SDR42E1: variants seen among roughly 807,000 people sequenced by gnomAD.
SDR42E1 encodes the protein short chain dehydrogenase/reductase family 42E, member 1.
In SDR42E1, 5 loss-of-function variants were observed where a neutral mutation model predicts 2.6. The observed-to-expected ratio is 1.94, with a 90% CI of 1.01 to 4.08. The LOEUF is 4.08. Ranked by LOEUF, SDR42E1 falls within the 30% of genes most tolerant of loss-of-function variation. The pLI, the probability that SDR42E1 is intolerant of heterozygous loss-of-function variation, is 0.00. For missense variants in SDR42E1, 596 were observed against 478.6 expected (o/e 1.25, Z -2.29); for synonymous variants, 231 against 188.3 (o/e 1.23, Z -1.86).
At chr16:82,004,101 A>T (rs1173974220) in intron 1 of SDR42E1, among the ~76,000 whole-genome samples, 1 of 152,226 alleles carries the variant, frequency 6.6e-6, no homozygotes, top group African/African-American at 2.4e-5. Context: ...TACAAATAAG[A>T]AAGAGGCTTC....
intron 2 of SDR42E1, 78 bp downstream of exon 2, chr16:82,000,713 G>C: frequency 9.6e-7 from 1 of 1,046,286 alleles, no homozygotes. Flanking sequence ...GTAAAAGTCT[G>C]CTCTGCTGTC....
chr16:81,992,957 C>T lies in SDR42E1; in HGVS notation c.*6154G>A, dbSNP rs887192546. ...TGGTTTGATTTTCAATAGCAAAAGG[C>T]TGTTTTACACTAAAAGATCAGGTAA... is the stretch of plus-strand genomic sequence containing the variant. On this transcript the variant is annotated 3_prime_UTR_variant, in exon 3 of 3. Transcript: ENST00000328945. 1.3e-5 allele frequency: 2 copies of T among 152,096 alleles called. No homozygotes were observed. Among genetic ancestry groups the T allele is most frequent in the Non-Finnish European group, 2.9e-5 (2 of 68,010 alleles). The allele number at this position is 152,096 out of a possible 1,614,324, so 9.4% of individuals were successfully genotyped here. A position where few individuals can be genotyped will look rare whatever the true frequency, so the allele number is the denominator to read the frequency against.
chr16:82,001,983 C>CACAG (rs1912781972), intron 1 of SDR42E1, among the ~76,000 whole-genome samples: 1 of 150,932 alleles, frequency 6.6e-6, no homozygotes, highest in African/African-American at 2.5e-5. Context: ...CACACACACA[C>CACAG]ACACACACAT....
At chr16:82,007,560 T>A (rs1173258849) in intron 1 of SDR42E1, 1 of 152,214 alleles carries the variant, frequency 6.6e-6, no homozygotes, top group Non-Finnish European at 1.5e-5. Flanking sequence ...ATAACCCAGG[T>A]GCATCTGACT....
In SDR42E1 at chr16:81,997,639, C is replaced by A. The variant is rs1477246248; in HGVS notation, c.*1472G>T. 6.6e-6 allele frequency: 1 copy of A among 152,224 alleles called. No homozygotes were observed. The allele number at this position is 152,224 out of a possible 1,614,324, so 9.4% of individuals were successfully genotyped here. On this transcript the variant is annotated 3_prime_UTR_variant, in exon 3 of 3. Transcript: ENST00000328945. ...ACGTTTTCCTAAAAACAATCACTAC[C>A]ATCACCTCATACTGATGTTGCAATT...
At position 81,991,017 on chromosome 16, in the gene SDR42E1, G is replaced by A. The variant is rs551185852; in HGVS notation, c.*8094C>T. 2.6e-5 allele frequency: 4 copies of A among 152,350 alleles called. 1 individual carries two copies. Among genetic ancestry groups the A allele is most frequent in the African/African-American group, 9.6e-5 (4 of 41,584 alleles). 9.4% of individuals were successfully genotyped at this position (152,350 alleles called of 1,614,324 possible). A position where few individuals can be genotyped will look rare whatever the true frequency, so the allele number is the denominator to read the frequency against. On this transcript the variant is annotated 3_prime_UTR_variant, in exon 3 of 3. Transcript: ENST00000328945. ...CTGCAGGGGAGGCAAAGAGCCATCA[G>A]CAGCGAATAATACTTGGGCTCTGCT...
chr16:81,999,698 T>C lies in SDR42E1; in HGVS notation c.595A>G (p.Arg199Gly). 6.2e-7 allele frequency: 1 copy of C among 1,614,216 alleles called. No individual in the cohort carries two copies. The highest frequency in any genetic ancestry group is 1.3e-5 in the African/African-American group (1 of 75,052). ...CCCTTCTCGATGTAGCTGACTATCC[T>C]GGGAAGGTGTCTTTGTTCTCCAGGC... Reference protein sequence around the residue: ...YGPGEQRHLPRIVSYIEKGLF... With the variant: ...YGPGEQRHLPGIVSYIEKGLF... The change falls in exon 3 of 3, where the codon AGG (arginine) becomes GGG (glycine). Residue 199 changes from arginine (R) to glycine (G), a missense_variant. Arg to Gly is a moderately radical substitution (Grantham distance 125). Coordinates refer to ENST00000328945, the MANE Select transcript of SDR42E1 (RefSeq NM_145168.3).
rs1471558986 is a variant in SDR42E1, at chr16:81,997,701, C to G, written c.*1410G>C. The stretch of plus-strand genomic sequence containing the variant: ...TACTTTCACCACATCTTGCTTTATG[C>G]TCCCAGTGAACCCTATGGGGTGGGT... On this transcript the variant is annotated 3_prime_UTR_variant, in exon 3 of 3. Coordinates refer to ENST00000328945, the MANE Select transcript of SDR42E1 (RefSeq NM_145168.3). 6.6e-6 allele frequency: 1 copy of G among 152,230 alleles called. No individual in the cohort carries two copies. Among genetic ancestry groups the G allele is most frequent in the East Asian group, 1.9e-4 (1 of 5,200 alleles). The allele number at this position is 152,230 out of a possible 1,614,324, so 9.4% of individuals were successfully genotyped here. A position where few individuals can be genotyped will look rare whatever the true frequency, so the allele number is the denominator to read the frequency against.
rs143236362 is a variant in SDR42E1 at position 82,001,593 on chromosome 16, C to T, written c.-26-709G>A. Among the ~76,000 whole-genome samples, 1,060 of 152,024 alleles carry T rather than the reference C, an allele frequency of 7.0e-3. 21 individuals are homozygous for T. The highest frequency in any genetic ancestry group is 0.067 in the South Asian group (320 of 4,806). On this transcript the variant is annotated intron_variant, in intron 1 of 2. Transcript: ENST00000328945. ...ACTAAATAAGCAAAAATGAAGACACCCAACTCCTTCCATGTGGGAGGGAGA... is the reference window on the plus strand; with the variant it reads ...ACTAAATAAGCAAAAATGAAGACACTCAACTCCTTCCATGTGGGAGGGAGA...
chr16:82,010,776 A>C (rs1913100641), intron 1 of SDR42E1, among the ~76,000 whole-genome samples: 1 of 152,222 alleles, frequency 6.6e-6, no homozygotes, highest in Non-Finnish European at 1.5e-5. Flanking sequence ...TTAAGAATAC[A>C]TCGTCAGGAC....
chr16:82,000,974 C>T (rs181024735), intron 1 of SDR42E1, 90 bp from the exon 2 acceptor site: 13 of 783,672 alleles, frequency 1.7e-5, no homozygotes, highest in Admixed American at 4.9e-5. Context: ...AAAGTCAATA[C>T]GCTGTAGTAG....
chr16:82,006,302 G>A (rs1050228312), intron 1 of SDR42E1, among the ~76,000 whole-genome samples: 3 of 152,204 alleles, frequency 2.0e-5, no homozygotes, highest in African/African-American at 7.2e-5. Flanking sequence ...AAAGGTAACT[G>A]TATTCTTATT....
intron 1 of SDR42E1, among the ~76,000 whole-genome samples, chr16:82,011,122 G>A (rs1323823338): frequency 6.6e-6 from 1 of 152,234 alleles, no homozygotes; most frequent in Non-Finnish European, 1.5e-5. Context: ...AAAGTTCGGA[G>A]CTTGGGGCCC....
intron 1 of SDR42E1, among the ~76,000 whole-genome samples, chr16:82,006,876 C>A (rs1912956761): frequency 6.6e-6 from 1 of 152,112 alleles, no homozygotes; most frequent in Non-Finnish European, 1.5e-5. Context: ...AAGTGAAAAC[C>A]AGTATACTCG....
chr16:82,008,320 A>C (rs911419835), intron 1 of SDR42E1, among the ~76,000 whole-genome samples: 2 of 152,188 alleles, frequency 1.3e-5, no homozygotes, highest in Non-Finnish European at 2.9e-5. Flanking sequence ...TGCTACTGTA[A>C]AGATATCTGA....
At chr16:82,002,647 C>T (rs142528799) in intron 1 of SDR42E1, among the ~76,000 whole-genome samples, 26 of 152,130 alleles carry the variant, frequency 1.7e-4, no homozygotes, top group African/African-American at 5.1e-4. Context: ...CCCAGGAGCC[C>T]GCACTCTTAA....
chr16:82,010,199 G>A (rs1177670736), intron 1 of SDR42E1, among the ~76,000 whole-genome samples: 1 of 152,168 alleles, frequency 6.6e-6, no homozygotes, highest in East Asian at 1.9e-4. Context: ...GTAGTTTAAA[G>A]GTTTAGCATT....
chr16:82,001,408 T>C (rs1374979808), intron 1 of SDR42E1, among the ~76,000 whole-genome samples: 1 of 152,110 alleles, frequency 6.6e-6, no homozygotes, highest in Non-Finnish European at 1.5e-5. Flanking sequence ...AACTCCTTTA[T>C]GTAGCAAACC....
chr16:82,000,573 T>C (rs1912724519), intron 2 of SDR42E1, among the ~76,000 whole-genome samples: 1 of 152,250 alleles, frequency 6.6e-6, no homozygotes, highest in Non-Finnish European at 1.5e-5. Context: ...GTGATGTGAA[T>C]AGTCACCCCT....
Sources: gnomAD v4.1 joint callset for allele counts (sites outside exome capture counted in the v4.1 genomes callset) on GRCh38, gnomAD v4.1.1 for gene constraint, MANE v1.5 for transcripts, NCBI Gene and HGNC (gene_info 2026-07-23, HGNC 2026-07-21) for gene names.